GRID2: variants seen among roughly 807,000 people sequenced by gnomAD.
GRID2 encodes the protein glutamate ionotropic receptor delta type subunit 2, also known as glutamate receptor ionotropic, delta-2.
A neutral mutation model predicts 114.8 loss-of-function variants in GRID2; 33 were observed. The observed-to-expected ratio is 0.29, with a 90% CI of 0.22 to 0.38. The LOEUF (loss-of-function observed/expected upper bound fraction) is 0.38. GRID2 is among the 10% of genes least tolerant of loss of function. The pLI, the probability that GRID2 is intolerant of heterozygous loss-of-function variation, is 1.00. For missense variants in GRID2, 1,184 were observed against 1,257.7 expected (o/e 0.94, Z 0.89); for synonymous variants, 505 against 449.9 (o/e 1.12, Z -1.55).
intron 14 of GRID2, among the ~76,000 whole-genome samples, chr4:93,704,696 A>G (rs2110149704): frequency 6.6e-6 from 1 of 152,284 alleles, no homozygotes; most frequent in East Asian, 1.9e-4. Context: ...GTAAGTGAGA[A>G]CATGTGAAGT....
At chr4:92,442,025 A>T (rs1733119524) in intron 1 of GRID2, among the ~76,000 whole-genome samples, 2 of 151,726 alleles carry the variant, frequency 1.3e-5, no homozygotes, top group Admixed American at 6.6e-5. Context: ...GGGGAGTTGT[A>T]AGAGGTTTAG....
At chr4:92,602,321 C>A (rs6836958) in intron 2 of GRID2, among the ~76,000 whole-genome samples, 4 of 151,872 alleles carry the variant, frequency 2.6e-5, no homozygotes, top group Middle Eastern at 3.2e-3. Flanking sequence ...ACTGGGAAAC[C>A]GGATTCAGCA....
rs954604371 is a variant in GRID2 at position 92,940,174 on chromosome 4, A to G, written c.245-144821A>G. On this transcript the variant is annotated intron_variant, in intron 2 of 15. Transcript: ENST00000282020. ...CCTTGAGCAGTTTGGCCATTTTCAC[A>G]ATATTGATTCTTCCTACCCATGAGC... Among the ~76,000 whole-genome samples, 5 of 146,760 alleles carry G rather than the reference A, an allele frequency of 3.4e-5. 1 individual carries two copies. Among genetic ancestry groups the G allele is most frequent in the Non-Finnish European group, 6.0e-5 (4 of 66,318 alleles).
At chr4:92,507,941 T>C (rs987568099) in intron 1 of GRID2, among the ~76,000 whole-genome samples, 1 of 151,944 alleles carries the variant, frequency 6.6e-6, no homozygotes, top group Admixed American at 6.6e-5. Flanking sequence ...TTCCCTGGCT[T>C]TACTGCATTG....
intron 2 of GRID2, among the ~76,000 whole-genome samples, chr4:92,593,483 T>G (rs1487109642): frequency 2.0e-5 from 3 of 151,982 alleles, no homozygotes; most frequent in Non-Finnish European, 2.9e-5. Flanking sequence ...AAATCTTCCT[T>G]TGTAGCTTTG....
At chr4:92,787,244 T>C (rs966515062) in intron 2 of GRID2, among the ~76,000 whole-genome samples, 2 of 152,012 alleles carry the variant, frequency 1.3e-5, no homozygotes, top group African/African-American at 4.8e-5. Flanking sequence ...ATATTCTAAC[T>C]GATAGAATCA....
rs143171979 is a variant in GRID2, at chr4:92,613,595, T to C, written c.244+23309T>C. 3.0e-3 allele frequency among the ~76,000 whole-genome samples: 452 copies of C among 151,592 alleles called. 1 individual carries two copies. Among genetic ancestry groups the C allele is most frequent in the African/African-American group, 9.9e-3 (409 of 41,466 alleles). ...CAATTATTTACTTGCTTTGATCTAT[T>C]CAGATTTTTCTCATCGCTGAGTGAG... is the stretch of plus-strand genomic sequence containing the variant. On this transcript the variant is annotated intron_variant, in intron 2 of 15. Transcript: ENST00000282020.
intron 14 of GRID2, among the ~76,000 whole-genome samples, chr4:93,758,222 T>A (rs1732919267): frequency 6.6e-6 from 1 of 152,168 alleles, no homozygotes; most frequent in Admixed American, 6.5e-5. Flanking sequence ...TTTAAAAAAA[T>A]AGTTTAGACT....
chr4:92,405,952 G>T (rs1274298240), intron 1 of GRID2, among the ~76,000 whole-genome samples: 1 of 152,126 alleles, frequency 6.6e-6, no homozygotes, highest in Non-Finnish European at 1.5e-5. Flanking sequence ...GAGGAGAAAG[G>T]AGAGCCAGTC....
intron 2 of GRID2, among the ~76,000 whole-genome samples, chr4:92,659,017 T>C (rs1478096879): frequency 7.2e-6 from 1 of 138,048 alleles, no homozygotes; most frequent in Admixed American, 7.2e-5. Flanking sequence ...TGTTATTTTC[T>C]ACACTCTAGT....
At chr4:92,334,510 G>A (rs1340600104) in intron 1 of GRID2, among the ~76,000 whole-genome samples, 1 of 152,010 alleles carries the variant, frequency 6.6e-6, no homozygotes, top group African/African-American at 2.4e-5. Flanking sequence ...GAGGACTTCT[G>A]TACTGCATCA....
chr4:93,284,853 AAAAT>A (rs1752984125), intron 8 of GRID2, among the ~76,000 whole-genome samples: 1 of 152,064 alleles, frequency 6.6e-6, no homozygotes, highest in African/African-American at 2.4e-5. Flanking sequence ...TGGTTCCTTC[AAAAT>A]AAATCAGTCA....
chr4:92,815,500 TATTA>T (rs1339139544), intron 2 of GRID2, among the ~76,000 whole-genome samples: 1 of 152,148 alleles, frequency 6.6e-6, no homozygotes, highest in Non-Finnish European at 1.5e-5. Context: ...TTGATTTTCC[TATTA>T]ATTTAAATAA....
chr4:92,839,478 CTCAT>C (rs1452461460), intron 2 of GRID2, among the ~76,000 whole-genome samples: 1 of 142,726 alleles, frequency 7.0e-6, no homozygotes, highest in East Asian at 2.2e-4. Context: ...TCCGCGTGTT[CTCAT>C]TGTTTTTAAA....
intron 8 of GRID2, among the ~76,000 whole-genome samples, chr4:93,355,644 CAGG>C (rs1761262424): frequency 6.6e-6 from 1 of 152,078 alleles, no homozygotes; most frequent in Non-Finnish European, 1.5e-5. Context: ...ACTTCTTTAT[CAGG>C]AGAAGTAAAA....
chr4:92,543,670 A>G (rs908178559), intron 1 of GRID2, among the ~76,000 whole-genome samples: 1 of 152,146 alleles, frequency 6.6e-6, no homozygotes, highest in Non-Finnish European at 1.5e-5. Flanking sequence ...GAATGAATGA[A>G]TGAATGGGTG....
Position 92,688,037 on chromosome 4 carries a change from CTT to C in GRID2, c.244+97779_244+97780del, listed in dbSNP as rs760605020. ...GCCACATTGGTTGACCCTTCTTCTT[CTT>C]TTTTTTTTTTTTTTTTTTTTTTTTT... On this transcript the variant is annotated intron_variant, in intron 2 of 15. Coordinates refer to ENST00000282020, the MANE Select transcript of GRID2 (RefSeq NM_001510.4). 1.8e-3 allele frequency among the ~76,000 whole-genome samples: 80 copies of C among 44,666 alleles called. 6 individuals are homozygous for C. Among genetic ancestry groups the C allele is most frequent in the South Asian group, 4.7e-3 (6 of 1,268 alleles). The allele number at this position is 44,666 out of a possible 152,430, so 29.3% of individuals were successfully genotyped here.
At chr4:93,307,868 G>T (rs900411594) in intron 8 of GRID2, among the ~76,000 whole-genome samples, 1 of 70,166 alleles carries the variant, frequency 1.4e-5, no homozygotes, top group Admixed American at 1.8e-4. Flanking sequence ...TTTAATTCTA[G>T]CTGCATTTTT....
chr4:92,754,848 C>G (rs1009019976), intron 2 of GRID2, among the ~76,000 whole-genome samples: 1 of 152,118 alleles, frequency 6.6e-6, no homozygotes, highest in East Asian at 1.9e-4. Context: ...TTCCAATTGT[C>G]GCTCTTTTTA....
Sources: gnomAD v4.1 joint callset for allele counts (sites outside exome capture counted in the v4.1 genomes callset) on GRCh38, gnomAD v4.1.1 for gene constraint, MANE v1.5 for transcripts, NCBI Gene and HGNC (gene_info 2026-07-23, HGNC 2026-07-21) for gene names.